The following DLGAP3 variants were observed in gnomAD, a reference collection of about 807,000 sequenced individuals.
The protein encoded by DLGAP3 is DLG associated protein 3.
Under a neutral mutation model 81.2 loss-of-function variants are expected in DLGAP3, and 17 were observed. That is an observed-to-expected ratio of 0.21 (90% CI 0.14 to 0.31). The LOEUF (loss-of-function observed/expected upper bound fraction) is 0.31, where lower values mean the gene tolerates loss of function less well. Among genes scored for constraint, DLGAP3 ranks in the 10% least tolerant of loss-of-function variants. The pLI is 1.00. For synonymous variants in DLGAP3, 577 were observed against 587.4 expected (o/e 0.98, Z 0.26); for missense variants, 1,124 against 1,388.0 (o/e 0.81, Z 3.02).
intron 8 of DLGAP3, among the ~76,000 whole-genome samples, chr1:34,884,091 G>A (rs1249754204): frequency 6.6e-6 from 1 of 151,994 alleles, no homozygotes; most frequent in African/African-American, 2.4e-5. Flanking sequence ...GCTAATTTTT[G>A]TATTTTTAGT....
chr1:34,875,449 G>A (rs770955728), intron 8 of DLGAP3, among the ~76,000 whole-genome samples: 2 of 152,162 alleles, frequency 1.3e-5, no homozygotes, highest in Non-Finnish European at 2.9e-5. Flanking sequence ...TTATTTATCT[G>A]ATCATCAAAT....
At chr1:34,887,378 G>A (rs1020089999) in intron 5 of DLGAP3, among the ~76,000 whole-genome samples, 6 of 150,704 alleles carry the variant, frequency 4.0e-5, no homozygotes, top group Admixed American at 6.6e-5. Flanking sequence ...TTTGTTTTTC[G>A]TATTTTGGTG....
intron 1 of DLGAP3, among the ~76,000 whole-genome samples, chr1:34,920,361 A>G (rs187177031): frequency 7.0e-4 from 107 of 152,258 alleles, no homozygotes; most frequent in African/African-American, 2.4e-3. Context: ...ATTGGTGACA[A>G]GATCCAAAAG....
chr1:34,884,727 G>T (rs116805415), intron 8 of DLGAP3, among the ~76,000 whole-genome samples: 296 of 152,278 alleles, frequency 1.9e-3, no homozygotes, highest in African/African-American at 6.6e-3. Context: ...CCCTGCAACT[G>T]CTGTGTATCT....
At position 34,897,330 on chromosome 1, in the gene DLGAP3, T is replaced by C. The variant is rs76615621; in HGVS notation, c.1386+2339A>G. 3.1e-3 allele frequency among the ~76,000 whole-genome samples: 466 copies of C among 152,094 alleles called. 16 individuals are homozygous for C. The East Asian group carries it at 0.061, about 20-fold the overall frequency. ...ACAGAGAAGACCTCAACAATGACAG[T>C]ACAGGGAAGGGGAATAGGAAATGTT... On this transcript the variant is annotated intron_variant, in intron 5 of 11. Coordinates refer to ENST00000373347, the MANE Select transcript of DLGAP3 (RefSeq NM_001080418.3).
chr1:34,921,250 C>T (rs548229290), intron 1 of DLGAP3, among the ~76,000 whole-genome samples: 4 of 152,184 alleles, frequency 2.6e-5, no homozygotes, highest in Non-Finnish European at 5.9e-5. Flanking sequence ...AAGGCAAGAC[C>T]TCATTTTCCT....
intron 5 of DLGAP3, among the ~76,000 whole-genome samples, chr1:34,893,776 A>C (rs1318178428): frequency 1.3e-5 from 2 of 152,258 alleles, no homozygotes; most frequent in Admixed American, 6.5e-5. Flanking sequence ...TAAAAAATTA[A>C]CAAATAAATA....
chr1:34,921,508 T>C (rs111885799), intron 1 of DLGAP3, among the ~76,000 whole-genome samples: 53 of 152,306 alleles, frequency 3.5e-4, no homozygotes, highest in African/African-American at 1.2e-3. Flanking sequence ...CAATGAACAC[T>C]TATGTGTGTC....
rs150109986 is a variant in DLGAP3, at chr1:34,908,630, G to C, written c.-134-1193C>G. Among the ~76,000 whole-genome samples the C allele has an allele frequency of 2.7e-3, 408 of 152,322 alleles. 4 individuals are homozygous for C. The highest frequency in any genetic ancestry group is 0.017 in the Middle Eastern group (5 of 294). ...TCAGGAAGAAGAGCTAGCTTTGCAA[G>C]CGTGATTAATAGTAGTGGAAGAGGC... On this transcript the variant is annotated intron_variant, in intron 1 of 11. Coordinates refer to ENST00000373347, the MANE Select transcript of DLGAP3 (RefSeq NM_001080418.3).
rs1221988636 is a variant in DLGAP3 at position 34,904,594 on chromosome 1, C to A, written c.790G>T (p.Asp264Tyr). The change falls in exon 3 of 12, where the codon GAT becomes TAT. Residue 264 changes from aspartate to tyrosine, a missense_variant. Asp to Tyr is a radical substitution (Grantham distance 160, BLOSUM62 -3). Coordinates refer to ENST00000373347, the MANE Select transcript of DLGAP3 (RefSeq NM_001080418.3). This position sits in a 1 kb window ranked among gnomAD's most constrained non-coding sequence, Gnocchi z 8.1. The part of the protein sequence containing the change: ...QAKSTGWWSS[D>Y]DNLDSDSGFL... ...CCGCTATCACTGTCCAAGTTGTCAT[C>A]GGAACTCCACCAGCCTGTGGACTTG... 1 of 1,614,194 alleles carries A rather than the reference C, an allele frequency of 6.2e-7. No homozygotes were observed. Among genetic ancestry groups the A allele is most frequent in the Non-Finnish European group, 8.5e-7 (1 of 1,180,022 alleles).
intron 1 of DLGAP3, among the ~76,000 whole-genome samples, chr1:34,916,053 T>A (rs1639711927): frequency 6.6e-6 from 1 of 152,128 alleles, no homozygotes; most frequent in South Asian, 2.1e-4. Context: ...GGGATCTATC[T>A]CTGTATGAAC....
intron 1 of DLGAP3, among the ~76,000 whole-genome samples, chr1:34,921,500 A>G (rs932859802): frequency 7.2e-5 from 11 of 152,118 alleles, no homozygotes; most frequent in Non-Finnish European, 5.9e-5. Flanking sequence ...ACTCCCTCCA[A>G]TGAACACTTA....
chr1:34,923,185 G>A (rs1329201609), intron 1 of DLGAP3, among the ~76,000 whole-genome samples: 2 of 152,130 alleles, frequency 1.3e-5, no homozygotes, highest in East Asian at 3.9e-4. Context: ...TCTGGGTAAA[G>A]GTCTAACACT....
intron 5 of DLGAP3, among the ~76,000 whole-genome samples, chr1:34,886,772 T>C (rs1236684529): frequency 1.3e-5 from 2 of 151,460 alleles, no homozygotes; most frequent in Non-Finnish European, 2.9e-5. Context: ...TCTGTGTATA[T>C]ATATACACTA....
At position 34,867,198 on chromosome 1, in the gene DLGAP3, C is replaced by T. The variant is rs1016444808; in HGVS notation, c.2578-7G>A. The T allele has an allele frequency of 2.5e-6, 4 of 1,614,094 alleles. No individual in the cohort carries two copies. Among genetic ancestry groups the T allele is most frequent in the Non-Finnish European group, 3.4e-6 (4 of 1,180,016 alleles). On this transcript the variant is annotated splice_polypyrimidine_tract_variant and splice_region_variant and intron_variant, in intron 10 of 11. Coordinates refer to ENST00000373347, the MANE Select transcript of DLGAP3 (RefSeq NM_001080418.3). This position sits in a 1 kb window ranked among gnomAD's most constrained non-coding sequence, Gnocchi z 4.3. ...CAGGGAACGCAGTGGGATCCTGCAA[C>T]AGAGGAAGATGGAGGGAAAGTGATT...
intron 3 of DLGAP3, among the ~76,000 whole-genome samples, chr1:34,903,506 G>C (rs568625655): frequency 6.6e-6 from 1 of 152,188 alleles, no homozygotes; most frequent in Non-Finnish European, 1.5e-5. Flanking sequence ...TTAAGAAAAC[G>C]ATGTGGGCTG....
intron 5 of DLGAP3, among the ~76,000 whole-genome samples, chr1:34,889,766 G>A (rs1434794137): frequency 2.0e-5 from 3 of 152,188 alleles, no homozygotes; most frequent in Non-Finnish European, 4.4e-5. Context: ...GCATAGCTGA[G>A]CTCACAAGAA....
Position 34,885,507 on chromosome 1 carries a change from G to T in DLGAP3, c.1885C>A (p.Arg629=). The T allele has an allele frequency of 6.2e-7, 1 of 1,608,936 alleles. No individual in the cohort carries two copies. The change falls in exon 7 of 12, where the codon CGG becomes AGG. Residue 629 remains arginine, a synonymous_variant. Transcript: ENST00000373347. ...ACCCCAATGGACGGCCGCCACTTCC[G>T]CTGCCGCGCCAGGCTCCGCAGCTCC... is the stretch of plus-strand genomic sequence containing the variant. ...REELRSLARQ[R]KWRPSIGVQV...
At chr1:34,890,545 AC>A (rs1639295910) in intron 5 of DLGAP3, among the ~76,000 whole-genome samples, 2 of 152,236 alleles carry the variant, frequency 1.3e-5, no homozygotes, top group South Asian at 4.2e-4. Flanking sequence ...CATCTTAGAC[AC>A]CTTTTCTTAT....
Sources: allele counts gnomAD v4.1 joint callset (sites outside exome capture counted in the v4.1 genomes callset), GRCh38; gene constraint gnomAD v4.1.1; non-coding constraint Gnocchi (gnomAD v3.1); transcripts MANE v1.5; gene names NCBI Gene and HGNC (gene_info 2026-07-23, HGNC 2026-07-21).